Variants in CSMD1 observed in about 807,000 individuals in gnomAD.
CSMD1 encodes CUB and Sushi multiple domains 1, also known as CUB and sushi domain-containing protein 1.
In CSMD1, 213 loss-of-function variants were observed where a neutral mutation model predicts 417.5. That is an observed-to-expected ratio of 0.51 (90% CI 0.46 to 0.57). The LOEUF is 0.57. Among genes scored for constraint, CSMD1 ranks in the 20% least tolerant of loss-of-function variants. The pLI is 0.00. For missense variants in CSMD1, 6,923 were observed against 4,529.7 expected, an observed-to-expected ratio of 1.53 and a Z score of -15.17; for synonymous variants, 2,862 against 1,736.8, an observed-to-expected ratio of 1.65 and a Z score of -16.11.
chr8:4,993,763 C>G (rs1319106650), intron 1 of CSMD1, among the ~76,000 whole-genome samples: 1 of 152,202 alleles, frequency 6.6e-6, no homozygotes, highest in African/African-American at 2.4e-5. Flanking sequence ...GCAGCTACTC[C>G]TCGCCGGCTG....
chr8:3,453,419 G>T (rs1327590997), intron 12 of CSMD1, among the ~76,000 whole-genome samples: 1 of 151,982 alleles, frequency 6.6e-6, no homozygotes. Context: ...GTCAATTTTA[G>T]ATCTTGCCTG....
At chr8:4,952,345 T>TG (rs1420402285) in intron 1 of CSMD1, among the ~76,000 whole-genome samples, 1 of 39,586 alleles carries the variant, frequency 2.5e-5, no homozygotes, top group African/African-American at 7.7e-5. Context: ...ACCCAATAAG[T>TG]GAAACTGAAT....
intron 11 of CSMD1, among the ~76,000 whole-genome samples, chr8:3,485,538 C>CACACACACACAGAG (rs376214281): frequency 0.2 from 26,700 of 134,082 alleles, 3,095 homozygotes; most frequent in Middle Eastern, 0.28. Flanking sequence ...CACACACACA[C>CACACACACACAGAG]AGAGAGAGAG....
At chr8:4,416,259 C>G (rs116071490) in intron 3 of CSMD1, among the ~76,000 whole-genome samples, 3 of 151,986 alleles carry the variant, frequency 2.0e-5, no homozygotes, top group Non-Finnish European at 4.4e-5. Flanking sequence ...TTCTATTTTC[C>G]GAAAGCTACT....
intron 5 of CSMD1, among the ~76,000 whole-genome samples, chr8:3,826,957 T>C (rs1353826152): frequency 2.0e-5 from 3 of 152,050 alleles, no homozygotes; most frequent in African/African-American, 4.8e-5. Flanking sequence ...TTTTTAAATA[T>C]AATTTATAGA....
intron 1 of CSMD1, among the ~76,000 whole-genome samples, chr8:4,733,384 T>C (rs886381926): frequency 1.3e-5 from 2 of 152,184 alleles, no homozygotes; most frequent in Non-Finnish European, 2.9e-5. Context: ...TTATAGTGAC[T>C]CATGCCCAGA....
intron 1 of CSMD1, among the ~76,000 whole-genome samples, chr8:4,813,126 T>G (rs1255594376): frequency 6.6e-6 from 1 of 152,184 alleles, no homozygotes; most frequent in African/African-American, 2.4e-5. Flanking sequence ...AAAAATATGT[T>G]AAGCTCTCGC....
At chr8:4,273,410 C>T (rs1406124590) in intron 3 of CSMD1, among the ~76,000 whole-genome samples, 2 of 152,082 alleles carry the variant, frequency 1.3e-5, no homozygotes, top group Non-Finnish European at 2.9e-5. Context: ...CGGTGCAACC[C>T]TGCTCAGGTC....
At position 3,568,736 on chromosome 8, in the gene CSMD1, C is replaced by CAT. The variant is rs1330404364; in HGVS notation, c.1344+6207_1344+6208dup. 3.2e-3 allele frequency among the ~76,000 whole-genome samples: 492 copies of CAT among 151,848 alleles called. 5 individuals carry two copies. The highest frequency in any genetic ancestry group is 0.011 in the African/African-American group (451 of 41,412). On this transcript the variant is annotated intron_variant, in intron 10 of 69. Transcript: ENST00000635120. The stretch of plus-strand genomic sequence containing the variant: ...GTTTATCTATGCATATATATATACA[C>CAT]ATATATATATGTATGCATGCATACA...
chr8:4,522,856 T>A (rs866174681), intron 2 of CSMD1, among the ~76,000 whole-genome samples: 2 of 152,186 alleles, frequency 1.3e-5, no homozygotes, highest in African/African-American at 2.4e-5. Flanking sequence ...CAGGGAACCA[T>A]GCCCTGGCTA....
rs573353218 is a variant in CSMD1 at position 3,232,730 on chromosome 8, C to G, written c.4154-2499G>C. ...AAGTTCCTGCTCTATTTGGATTTCT[C>G]TCGACCATCTTAGCTTGTGTTTTCT... is the stretch of plus-strand genomic sequence containing the variant. On this transcript the variant is annotated intron_variant, in intron 26 of 69. Coordinates refer to ENST00000635120, the MANE Select transcript of CSMD1 (RefSeq NM_033225.6). Among the ~76,000 whole-genome samples the G allele has an allele frequency of 3.3e-5, 5 of 152,236 alleles. No individual in the cohort carries two copies. In the East Asian group the frequency reaches 7.7e-4, roughly 24 times the overall value.
At chr8:4,772,736 G>A (rs935458549) in intron 1 of CSMD1, among the ~76,000 whole-genome samples, 1 of 152,078 alleles carries the variant, frequency 6.6e-6, no homozygotes, top group Admixed American at 6.6e-5. Context: ...CAGATGAAGT[G>A]GATTCAGATC....
Position 4,175,872 on chromosome 8 carries a change from G to C in CSMD1, c.416-143773C>G, listed in dbSNP as rs1367645572. Among the ~76,000 whole-genome samples, 8 of 152,176 alleles carry C rather than the reference G, an allele frequency of 5.3e-5. No homozygotes were observed. In the South Asian group the frequency reaches 1.7e-3, roughly 32 times the overall value. On this transcript the variant is annotated intron_variant, in intron 3 of 69. Transcript: ENST00000635120. ...AAATAACCAAAATGTTACCAAGCGA[G>C]TAATGGGGTCCAGTTGATTTCTAGT...
Position 3,486,280 on chromosome 8 carries a change from A to C in CSMD1, c.1448+7343T>G, listed in dbSNP as rs564037765. On this transcript the variant is annotated intron_variant, in intron 11 of 69. Coordinates refer to ENST00000635120, the MANE Select transcript of CSMD1 (RefSeq NM_033225.6). ...TTTAATCTTTTTAAAACTATTTTTTATCTACCATTCTATTTGATGCAACAA... is the reference window on the plus strand; with the variant it reads ...TTTAATCTTTTTAAAACTATTTTTTCTCTACCATTCTATTTGATGCAACAA... Among the ~76,000 whole-genome samples the C allele has an allele frequency of 3.5e-5, 5 of 144,700 alleles. No homozygotes were observed. The East Asian group carries it at 1.0e-3, about 30-fold the overall frequency. The allele number at this position is 144,700 out of a possible 152,430, so 94.9% of individuals were successfully genotyped here.
intron 4 of CSMD1, among the ~76,000 whole-genome samples, chr8:4,020,009 T>C (rs1395583166): frequency 1.3e-5 from 2 of 151,988 alleles, no homozygotes; most frequent in African/African-American, 4.8e-5. Flanking sequence ...GCCATTCCGC[T>C]CTGGGCACTT....
At chr8:3,653,962 T>C (rs1038307440) in intron 7 of CSMD1, among the ~76,000 whole-genome samples, 1 of 152,230 alleles carries the variant, frequency 6.6e-6, no homozygotes, top group African/African-American at 2.4e-5. Context: ...GACAGCCTAC[T>C]GTTGTCACAT....
intron 3 of CSMD1, among the ~76,000 whole-genome samples, chr8:4,361,595 C>T (rs1477017244): frequency 2.6e-5 from 4 of 152,180 alleles, no homozygotes; most frequent in Admixed American, 2.0e-4. Flanking sequence ...CGCAGTTGCC[C>T]TATTTTATAC....
intron 5 of CSMD1, among the ~76,000 whole-genome samples, chr8:3,899,637 T>G (rs761570126): frequency 6.6e-6 from 1 of 152,218 alleles, no homozygotes; most frequent in Non-Finnish European, 1.5e-5. Flanking sequence ...GAAAAGGTTT[T>G]GGAGGCTGAG....
chr8:3,799,370 A>G (rs185232489), intron 5 of CSMD1, among the ~76,000 whole-genome samples: 155 of 146,094 alleles, frequency 1.1e-3, no homozygotes, highest in African/African-American at 3.7e-3. Context: ...TGCATTAGGT[A>G]TATCTCCTAA....
Sources: gnomAD v4.1 joint callset for allele counts (sites outside exome capture counted in the v4.1 genomes callset) on GRCh38, gnomAD v4.1.1 for gene constraint, MANE v1.5 for transcripts, NCBI Gene and HGNC (gene_info 2026-07-23, HGNC 2026-07-21) for gene names.